Variants in DCLK1 observed in about 807,000 individuals in gnomAD.
The protein encoded by DCLK1 is serine/threonine-protein kinase DCLK1.
DCLK1 carries 16 observed loss-of-function variants against 86.2 expected under a neutral mutation model. The ratio of observed to expected loss-of-function variants is 0.19; its 90% CI spans 0.13 to 0.28. The LOEUF (loss-of-function observed/expected upper bound fraction) is 0.28. DCLK1 is among the 10% of genes least tolerant of loss of function. DCLK1 has a pLI of 1.00. For synonymous variants in DCLK1, 369 were observed against 370.5 expected (o/e 1.00, Z 0.05); for missense variants, 590 against 940.2 (o/e 0.63, Z 4.87).
At chr13:36,045,370 A>ATT (rs1184419239) in intron 3 of DCLK1, among the ~76,000 whole-genome samples, 1 of 133,172 alleles carries the variant, frequency 7.5e-6, no homozygotes, top group African/African-American at 2.8e-5. Context: ...ATATATATAT[A>ATT]TATATATTTC....
At chr13:36,000,474 C>A (rs1270181168) in intron 3 of DCLK1, among the ~76,000 whole-genome samples, 1 of 152,086 alleles carries the variant, frequency 6.6e-6, no homozygotes, top group Non-Finnish European at 1.5e-5. Context: ...ATTTGCCATT[C>A]TCATTTGCAA....
intron 10 of DCLK1, among the ~76,000 whole-genome samples, chr13:35,824,647 T>C (rs2087478837): frequency 6.6e-6 from 1 of 152,164 alleles, no homozygotes; most frequent in Admixed American, 6.5e-5. Context: ...CTTCCCTCCG[T>C]GAGCTCCTTA....
chr13:35,939,527 G>A (rs936235658), intron 4 of DCLK1, among the ~76,000 whole-genome samples: 1 of 152,106 alleles, frequency 6.6e-6, no homozygotes, highest in African/African-American at 2.4e-5. Flanking sequence ...ACCTCAGCCT[G>A]CCAAGTAGCT....
intron 3 of DCLK1, among the ~76,000 whole-genome samples, chr13:36,074,004 T>C (rs59762180): frequency 2.6e-5 from 4 of 152,198 alleles, no homozygotes; most frequent in African/African-American, 9.7e-5. Context: ...TTGTTTTTTG[T>C]TTTAATTGGA....
chr13:36,117,654 C>T (rs1167832616), intron 2 of DCLK1, among the ~76,000 whole-genome samples: 1 of 152,144 alleles, frequency 6.6e-6, no homozygotes, highest in African/African-American at 2.4e-5. Flanking sequence ...AATAACAAAA[C>T]TGTGACAAGC....
chr13:35,888,678 T>C (rs1006925540), intron 4 of DCLK1, among the ~76,000 whole-genome samples: 5 of 152,250 alleles, frequency 3.3e-5, no homozygotes, highest in African/African-American at 1.2e-4. Flanking sequence ...TACAGTTGAC[T>C]TGTGGCCAAG....
At chr13:35,948,015 T>A (rs999537732) in intron 3 of DCLK1, among the ~76,000 whole-genome samples, 4 of 152,202 alleles carry the variant, frequency 2.6e-5, no homozygotes, top group Admixed American at 1.3e-4. Flanking sequence ...TTATGGTAAG[T>A]GTATGCCCAC....
chr13:35,921,130 C>T (rs538332229), intron 4 of DCLK1, among the ~76,000 whole-genome samples: 8 of 152,170 alleles, frequency 5.3e-5, no homozygotes, highest in Non-Finnish European at 1.0e-4. Flanking sequence ...AGTCAGATCA[C>T]GTCATACCCT....
chr13:35,853,779 G>T (rs1870838509), intron 6 of DCLK1, among the ~76,000 whole-genome samples: 2 of 152,002 alleles, frequency 1.3e-5, no homozygotes, highest in African/African-American at 2.4e-5. Flanking sequence ...TCCGTTTTTG[G>T]CATTGTACCT....
At chr13:35,951,284 TGG>T (rs1877664800) in intron 3 of DCLK1, among the ~76,000 whole-genome samples, 1 of 150,384 alleles carries the variant, frequency 6.6e-6, no homozygotes, top group Admixed American at 6.7e-5. Flanking sequence ...GATGGATGGA[TGG>T]ATGGATGGAT....
At chr13:35,798,975 T>C (rs190034901) in intron 15 of DCLK1, among the ~76,000 whole-genome samples, 180 of 152,252 alleles carry the variant, frequency 1.2e-3, no homozygotes, top group Non-Finnish European at 1.8e-3. Flanking sequence ...AGTATGTAGG[T>C]GGGATATAGG....
intron 16 of DCLK1, chr13:35,788,195 G>A (rs1216631642): frequency 1.9e-6 from 3 of 1,612,914 alleles, no homozygotes; most frequent in South Asian, 1.1e-5. Flanking sequence ...TGACTGTTGA[G>A]CTGCACCATC....
chr13:35,811,069 G>A (rs1566544887), intron 11 of DCLK1, 101 bp from the exon 12 acceptor site: 6 of 1,449,130 alleles, frequency 4.1e-6, no homozygotes, highest in South Asian at 1.2e-5. Context: ...ATGTATAGGA[G>A]GTAAAAAATA....
chr13:36,056,539 C>T (rs909087048), intron 3 of DCLK1, among the ~76,000 whole-genome samples: 6 of 133,736 alleles, frequency 4.5e-5, no homozygotes, highest in African/African-American at 8.5e-5. Flanking sequence ...GTGGGTGCAG[C>T]GCACCAGCAT....
At chr13:36,022,639 G>A (rs967276644) in intron 3 of DCLK1, among the ~76,000 whole-genome samples, 1 of 152,076 alleles carries the variant, frequency 6.6e-6, no homozygotes, top group Non-Finnish European at 1.5e-5. Context: ...ACTAACAGTA[G>A]TTGTAAATCA....
chr13:36,079,670 G>C (rs561857341), intron 3 of DCLK1, among the ~76,000 whole-genome samples: 3 of 152,000 alleles, frequency 2.0e-5, no homozygotes, highest in Non-Finnish European at 4.4e-5. Flanking sequence ...GAAGACTAGA[G>C]TACTTAGTAC....
At chr13:35,895,576 T>A (rs1873912959) in intron 4 of DCLK1, among the ~76,000 whole-genome samples, 2 of 152,220 alleles carry the variant, frequency 1.3e-5, no homozygotes, top group Admixed American at 1.3e-4. Flanking sequence ...GTAAGTGATA[T>A]CAGAAGTGGC....
At chr13:35,969,993 C>A (rs1217865005) in intron 3 of DCLK1, among the ~76,000 whole-genome samples, 1 of 152,174 alleles carries the variant, frequency 6.6e-6, no homozygotes, top group South Asian at 2.1e-4. Context: ...GACTTCCCAG[C>A]CTCCAGAACT....
chr13:36,054,679 G>T (rs1373824965), intron 3 of DCLK1, among the ~76,000 whole-genome samples: 1 of 152,148 alleles, frequency 6.6e-6, no homozygotes, highest in African/African-American at 2.4e-5. Flanking sequence ...TCTATGAGGA[G>T]GTAAATGTGA....
Sources: allele counts gnomAD v4.1 joint callset (sites outside exome capture counted in the v4.1 genomes callset), GRCh38; gene constraint gnomAD v4.1.1; transcripts MANE v1.5; gene names NCBI Gene and HGNC (gene_info 2026-07-23, HGNC 2026-07-21).